The following ASIC2 variants were observed in gnomAD, a reference collection of about 807,000 sequenced individuals.
The protein encoded by ASIC2 is acid sensing ion channel subunit 2.
A neutral mutation model predicts 57.3 loss-of-function variants in ASIC2; 25 were observed. The ratio of observed to expected loss-of-function variants is 0.44; its 90% CI spans 0.32 to 0.61. ASIC2 has a LOEUF of 0.61. Among genes scored for constraint, ASIC2 ranks in the 20% least tolerant of loss-of-function variants. The pLI is 0.06. For missense variants in ASIC2, 641 were observed against 738.1 expected, an observed-to-expected ratio of 0.87 and a Z score of 1.52; for synonymous variants, 319 against 307.5, an observed-to-expected ratio of 1.04 and a Z score of -0.39.
At chr17:33,897,234 C>T (rs1915119720) in intron 1 of ASIC2, among the ~76,000 whole-genome samples, 1 of 152,162 alleles carries the variant, frequency 6.6e-6, no homozygotes, top group Admixed American at 6.5e-5. Flanking sequence ...ACTCAGAGAC[C>T]ACTTCCTTCT....
intron 1 of ASIC2, chr17:33,792,494 G>A (rs16968903): frequency 0.043 from 6,488 of 152,194 alleles, 173 homozygotes; most frequent in Middle Eastern, 0.092. Context: ...CACCAGTGGC[G>A]GTCAAAATAC....
At chr17:33,200,171 A>G (rs73982451) in intron 1 of ASIC2, among the ~76,000 whole-genome samples, 2,863 of 152,268 alleles carry the variant, frequency 0.019, 91 homozygotes, top group African/African-American at 0.065. Context: ...TTCGCTAGCA[A>G]TAACTGCATT....
chr17:33,305,981 T>C (rs542847955), intron 1 of ASIC2, among the ~76,000 whole-genome samples: 12 of 152,354 alleles, frequency 7.9e-5, no homozygotes, highest in South Asian at 4.1e-4. Flanking sequence ...ATATTCAGAA[T>C]TGGTTACATT....
intron 1 of ASIC2, among the ~76,000 whole-genome samples, chr17:33,161,047 A>G (rs1905146409): frequency 1.3e-5 from 2 of 152,238 alleles, no homozygotes; most frequent in Admixed American, 6.5e-5. Flanking sequence ...CCTAAATCTC[A>G]ACACAAGCTT....
intron 1 of ASIC2, among the ~76,000 whole-genome samples, chr17:33,324,213 A>G (rs1389695361): frequency 6.6e-6 from 1 of 152,158 alleles, no homozygotes; most frequent in Non-Finnish European, 1.5e-5. Context: ...TTTCCCTCAG[A>G]GAAGACCTCT....
intron 1 of ASIC2, among the ~76,000 whole-genome samples, chr17:33,970,769 G>A (rs546076410): frequency 1.3e-5 from 2 of 152,324 alleles, no homozygotes; most frequent in South Asian, 4.1e-4. Context: ...AAGGTGTCCA[G>A]GCTGACTCCA....
intron 1 of ASIC2, among the ~76,000 whole-genome samples, chr17:33,358,991 C>T (rs138393172): frequency 2.6e-5 from 4 of 152,268 alleles, no homozygotes; most frequent in East Asian, 1.9e-4. Context: ...CCTTAAATAG[C>T]GTGGACTTAA....
At chr17:33,412,437 C>T (rs896019836) in intron 1 of ASIC2, among the ~76,000 whole-genome samples, 2 of 152,318 alleles carry the variant, frequency 1.3e-5, no homozygotes, top group African/African-American at 2.4e-5. Flanking sequence ...GCATTTCACA[C>T]GTGTGGCCTC....
At chr17:33,626,389 A>C (rs1905984663) in intron 1 of ASIC2, among the ~76,000 whole-genome samples, 1 of 152,238 alleles carries the variant, frequency 6.6e-6, no homozygotes, top group Non-Finnish European at 1.5e-5. Context: ...TAATTATTAA[A>C]TTTAGATTCA....
chr17:33,553,574 A>T (rs1045393630), intron 1 of ASIC2, among the ~76,000 whole-genome samples: 1 of 152,026 alleles, frequency 6.6e-6, no homozygotes, highest in Non-Finnish European at 1.5e-5. Flanking sequence ...GGGCTTGAGC[A>T]ATCCTCCCAC....
At chr17:33,405,091 G>A (rs1279183540) in intron 1 of ASIC2, among the ~76,000 whole-genome samples, 1 of 151,642 alleles carries the variant, frequency 6.6e-6, no homozygotes, top group African/African-American at 2.4e-5. Context: ...TGATACAACT[G>A]TTTTCCATGC....
chr17:33,332,194 C>A (rs1025370305), intron 1 of ASIC2, among the ~76,000 whole-genome samples: 3 of 152,168 alleles, frequency 2.0e-5, no homozygotes, highest in African/African-American at 7.2e-5. Flanking sequence ...CTTCTTGGTG[C>A]CAGGGAGGCT....
intron 1 of ASIC2, among the ~76,000 whole-genome samples, chr17:33,197,645 G>A (rs1237857468): frequency 6.6e-6 from 1 of 152,210 alleles, no homozygotes; most frequent in Non-Finnish European, 1.5e-5. Context: ...GAGTGTCCAG[G>A]GGTTGGATGT....
At chr17:34,064,396 AAACC>A (rs1368770575) in intron 1 of ASIC2, among the ~76,000 whole-genome samples, 28 of 152,208 alleles carry the variant, frequency 1.8e-4, no homozygotes, top group African/African-American at 6.3e-4. Context: ...TTAAGGACTT[AAACC>A]TAAGACCTGA....
At chr17:33,732,302 T>C (rs1909765681) in intron 1 of ASIC2, among the ~76,000 whole-genome samples, 1 of 152,196 alleles carries the variant, frequency 6.6e-6, no homozygotes, top group South Asian at 2.1e-4. Flanking sequence ...ATTCAGACTT[T>C]TCTGAATTCT....
intron 1 of ASIC2, among the ~76,000 whole-genome samples, chr17:33,807,343 C>T (rs542614579): frequency 6.6e-6 from 1 of 152,310 alleles, no homozygotes; most frequent in South Asian, 2.1e-4. Flanking sequence ...ATTAATAATT[C>T]ACTCTGCTAT....
chr17:33,281,464 T>C (rs1001249311), intron 1 of ASIC2, among the ~76,000 whole-genome samples: 3 of 152,376 alleles, frequency 2.0e-5, no homozygotes, highest in African/African-American at 4.8e-5. Context: ...GAACAGTTTC[T>C]GTATTTACAC....
intron 1 of ASIC2, among the ~76,000 whole-genome samples, chr17:33,286,489 C>CA (rs1381519189): frequency 6.6e-6 from 1 of 152,174 alleles, no homozygotes; most frequent in Non-Finnish European, 1.5e-5. Context: ...ATTGCATCGT[C>CA]ACCCCTCAGC....
intron 1 of ASIC2, among the ~76,000 whole-genome samples, chr17:33,435,602 A>G (rs1363932875): frequency 6.6e-6 from 1 of 152,194 alleles, no homozygotes; most frequent in East Asian, 1.9e-4. Context: ...AAATCTGGTA[A>G]ATAAAGGGGA....
Sources: allele counts gnomAD v4.1 joint callset (sites outside exome capture counted in the v4.1 genomes callset), GRCh38; gene constraint gnomAD v4.1.1; transcripts MANE v1.5; gene names NCBI Gene and HGNC (gene_info 2026-07-23, HGNC 2026-07-21).